Variants in NRXN3 observed in about 807,000 individuals in gnomAD.
NRXN3 encodes neurexin III.
Under a neutral mutation model 137.6 loss-of-function variants are expected in NRXN3, and 32 were observed. The ratio of observed to expected loss-of-function variants is 0.23; its 90% confidence interval spans 0.18 to 0.31. NRXN3 has a LOEUF of 0.31. NRXN3 is among the 10% of genes least tolerant of loss of function. NRXN3 has a pLI of 1.00. For missense variants in NRXN3, 1,574 were observed against 2,062.5 expected (o/e 0.76, Z 4.59); for synonymous variants, 798 against 784.5 (o/e 1.02, Z -0.29).
At chr14:78,390,420 G>C (rs1211227877) in intron 4 of NRXN3, among the ~76,000 whole-genome samples, 1 of 152,150 alleles carries the variant, frequency 6.6e-6, no homozygotes, top group Non-Finnish European at 1.5e-5. Flanking sequence ...TTTAGACTAG[G>C]AATTCAAGTA....
intron 16 of NRXN3, among the ~76,000 whole-genome samples, chr14:79,634,946 A>G (rs1339208181): frequency 2.6e-5 from 4 of 152,118 alleles, no homozygotes; most frequent in African/African-American, 9.7e-5. Context: ...GGTTTATTTC[A>G]TTTAACATAA....
chr14:79,005,697 G>T (rs1211601968), intron 15 of NRXN3, among the ~76,000 whole-genome samples: 1 of 151,958 alleles, frequency 6.6e-6, no homozygotes, highest in Non-Finnish European at 1.5e-5. Flanking sequence ...TCCTTACCTT[G>T]TTCATCTAGA....
intron 16 of NRXN3, among the ~76,000 whole-genome samples, chr14:79,503,225 G>A (rs1601327802): frequency 6.6e-6 from 1 of 151,962 alleles, no homozygotes; most frequent in South Asian, 2.1e-4. Context: ...TCTTGTTGCG[G>A]GATATACATG....
intron 10 of NRXN3, among the ~76,000 whole-genome samples, chr14:78,926,833 ATATAAATATATAATATATT>A (rs2099300459): frequency 1.7e-4 from 4 of 23,676 alleles, no homozygotes; most frequent in Non-Finnish European, 2.4e-4. Context: ...TATATAATTT[ATATAAATATATAATATATT>A]ATATATATAA....
intron 15 of NRXN3, among the ~76,000 whole-genome samples, chr14:79,371,048 T>C (rs901586027): frequency 7.2e-5 from 11 of 152,280 alleles, no homozygotes; most frequent in Middle Eastern, 3.4e-3. Context: ...TTCTCTCATA[T>C]TGTGTGAGAA....
chr14:79,657,098 C>G (rs1319119874), intron 16 of NRXN3, among the ~76,000 whole-genome samples: 2 of 151,882 alleles, frequency 1.3e-5, no homozygotes, highest in African/African-American at 4.8e-5. Context: ...TTTGTAGATA[C>G]CTTCAGAATT....
intron 8 of NRXN3, among the ~76,000 whole-genome samples, chr14:78,742,094 C>T (rs2098578696): frequency 6.6e-6 from 1 of 152,160 alleles, no homozygotes; most frequent in Non-Finnish European, 1.5e-5. Context: ...TCGCATTACT[C>T]TCCCTGAGAA....
At position 79,862,253 on chromosome 14, in the gene NRXN3, G is replaced by T; in HGVS notation, c.*289G>T. The T allele has an allele frequency of 3.8e-6, 1 of 262,956 alleles. No individual in the cohort carries two copies. The highest frequency in any genetic ancestry group is 7.3e-6 in the Non-Finnish European group (1 of 137,254). The allele number at this position is 262,956 out of a possible 1,614,324, so 16.3% of individuals were successfully genotyped here. ...AGCACACACTTAGCGCTCTGGAGCCGGACGGTGGCTCCACCACTTCCGCAG... is the reference window on the plus strand; with the variant it reads ...AGCACACACTTAGCGCTCTGGAGCCTGACGGTGGCTCCACCACTTCCGCAG... On this transcript the variant is annotated 3_prime_UTR_variant, in exon 21 of 21. Transcript: ENST00000335750.
intron 6 of NRXN3, among the ~76,000 whole-genome samples, chr14:78,658,941 A>C (rs1040328711): frequency 6.6e-6 from 1 of 152,330 alleles, no homozygotes; most frequent in Non-Finnish European, 1.5e-5. Context: ...AGAAGAAAAC[A>C]AAAAGCAATT....
chr14:78,813,527 C>A (rs1378178738), intron 10 of NRXN3, among the ~76,000 whole-genome samples: 1 of 151,724 alleles, frequency 6.6e-6, no homozygotes, highest in East Asian at 1.9e-4. Flanking sequence ...TTTTTTTTCC[C>A]CCTTGAAGGG....
At chr14:79,131,251 G>A (rs970320338) in intron 15 of NRXN3, among the ~76,000 whole-genome samples, 5 of 152,134 alleles carry the variant, frequency 3.3e-5, no homozygotes, top group African/African-American at 1.2e-4. Flanking sequence ...GAGGAGAGGT[G>A]CTCTGCTTTT....
At chr14:79,436,862 T>C (rs2095853233) in intron 15 of NRXN3, among the ~76,000 whole-genome samples, 1 of 152,178 alleles carries the variant, frequency 6.6e-6, no homozygotes, top group African/African-American at 2.4e-5. Context: ...AGAAACTGCC[T>C]CAGCCTGCAC....
chr14:78,587,765 G>A (rs377489266), intron 4 of NRXN3, among the ~76,000 whole-genome samples: 1 of 152,058 alleles, frequency 6.6e-6, no homozygotes, highest in South Asian at 2.1e-4. Context: ...TAAAGACTCA[G>A]GGCATCATCA....
Position 78,893,276 on chromosome 14 carries a change from G to A in NRXN3, c.2276-63966G>A, listed in dbSNP as rs145602442. 8.0e-3 allele frequency among the ~76,000 whole-genome samples: 1,213 copies of A among 152,060 alleles called. 2 individuals are homozygous for A. Among genetic ancestry groups the A allele is most frequent in the Non-Finnish European group, 0.012 (835 of 67,902 alleles). Reference sequence around the variant, plus strand: ...GATTCCCTGCTTTGCAAGAGCAGGTGGATGAGTTGGTTTATTCCTTTAAAA... The same window carrying A: ...GATTCCCTGCTTTGCAAGAGCAGGTAGATGAGTTGGTTTATTCCTTTAAAA... On this transcript the variant is annotated intron_variant, in intron 10 of 20. Coordinates refer to ENST00000335750, the MANE Select transcript of NRXN3 (RefSeq NM_001330195.2).
At chr14:78,708,015 G>A (rs1015336535) in intron 6 of NRXN3, among the ~76,000 whole-genome samples, 2 of 152,210 alleles carry the variant, frequency 1.3e-5, no homozygotes, top group Non-Finnish European at 2.9e-5. Flanking sequence ...ACACATGCCT[G>A]TGCAAGTATC....
chr14:79,228,046 T>G (rs1251630704), intron 15 of NRXN3, among the ~76,000 whole-genome samples: 1 of 152,184 alleles, frequency 6.6e-6, no homozygotes, highest in African/African-American at 2.4e-5. Context: ...AGAAACTGCA[T>G]GTTATAGAAA....
intron 15 of NRXN3, among the ~76,000 whole-genome samples, chr14:79,241,262 A>C (rs186966314): frequency 1.7e-4 from 26 of 152,278 alleles, no homozygotes; most frequent in African/African-American, 6.0e-4. Flanking sequence ...GTTACTATGT[A>C]GCTTAGTTTC....
chr14:78,623,019 G>C (rs1481675051), intron 4 of NRXN3, among the ~76,000 whole-genome samples: 5 of 152,112 alleles, frequency 3.3e-5, no homozygotes, highest in Admixed American at 1.3e-4. Flanking sequence ...AAAAACCCCA[G>C]GACTTATAAA....
intron 15 of NRXN3, among the ~76,000 whole-genome samples, chr14:79,296,688 T>C (rs1017986392): frequency 2.6e-5 from 4 of 152,154 alleles, no homozygotes; most frequent in African/African-American, 7.2e-5. Flanking sequence ...TGATCACTAT[T>C]TACAAGAGAA....
Sources: allele counts gnomAD v4.1 joint callset (sites outside exome capture counted in the v4.1 genomes callset), GRCh38; gene constraint gnomAD v4.1.1; transcripts MANE v1.5; gene names NCBI Gene and HGNC (gene_info 2026-07-23, HGNC 2026-07-21).